ARK2N: variants seen among roughly 807,000 people sequenced by gnomAD.
ARK2N encodes protein ARK2N.
the ARK2N span, among the ~76,000 whole-genome samples, chr18:46,204,104 C>CT: frequency 0.015 from 2,015 of 132,588 alleles, 30 homozygotes; most frequent in African/African-American, 0.034. Context: ...TTTTTATGTT[C>CT]TTTTTTTTTT....
the ARK2N span, among the ~76,000 whole-genome samples, chr18:46,192,265 C>G: frequency 6.6e-6 from 1 of 152,094 alleles, no homozygotes; most frequent in South Asian, 2.1e-4. Flanking sequence ...TGCTGTAGAG[C>G]AGAGAGTGAT....
the ARK2N span, among the ~76,000 whole-genome samples, chr18:46,190,428 C>T: frequency 5.2e-5 from 1 of 19,114 alleles, no homozygotes. Flanking sequence ...TCTGAGGTTG[C>T]GGTGAGCTGA....
the ARK2N span, among the ~76,000 whole-genome samples, chr18:46,191,022 A>C: frequency 2.0e-5 from 3 of 151,734 alleles, no homozygotes; most frequent in Non-Finnish European, 2.9e-5. Context: ...TGGATCCAGC[A>C]CTCATTTGAT....
chr18:46,252,134 A>T, the ARK2N span, among the ~76,000 whole-genome samples: 2 of 151,752 alleles, frequency 1.3e-5, no homozygotes, highest in African/African-American at 4.8e-5. Context: ...CGGAGGCTGC[A>T]GTGAGCCGAG....
chr18:46,224,896 A>G, the ARK2N span, among the ~76,000 whole-genome samples: 272 of 152,336 alleles, frequency 1.8e-3, 6 homozygotes, highest in East Asian at 0.043. Flanking sequence ...CGAAGCAATA[A>G]TGTTTTATGA....
the ARK2N span, among the ~76,000 whole-genome samples, chr18:46,183,506 T>C: frequency 2.0e-5 from 3 of 152,208 alleles, no homozygotes; most frequent in Non-Finnish European, 4.4e-5. Context: ...TGGTGATCGT[T>C]GCCCAGTTGT....
chr18:46,175,838 G>T, the ARK2N span, among the ~76,000 whole-genome samples: 1 of 152,120 alleles, frequency 6.6e-6, no homozygotes, highest in African/African-American at 2.4e-5. Context: ...AATTTTTTCT[G>T]ACAACTTTTT....
the ARK2N span, among the ~76,000 whole-genome samples, chr18:46,261,038 A>C: frequency 6.6e-6 from 1 of 152,248 alleles, no homozygotes; most frequent in Admixed American, 6.5e-5. Flanking sequence ...AAATTCTGCC[A>C]AAGATTACAT....
the ARK2N span, among the ~76,000 whole-genome samples, chr18:46,255,419 T>TTTTTTCTTTG: frequency 6.7e-6 from 1 of 148,152 alleles, no homozygotes; most frequent in African/African-American, 2.5e-5. Flanking sequence ...TCTTTTCTTT[T>TTTTTTCTTTG]CTTTTCTTTG....
At chr18:46,224,514 G>A in the ARK2N span, among the ~76,000 whole-genome samples, 2 of 152,292 alleles carry the variant, frequency 1.3e-5, no homozygotes, top group African/African-American at 4.8e-5. Context: ...GAATGTAGTG[G>A]TTCTCAACTA....
At chr18:46,249,182 G>A in the ARK2N span, among the ~76,000 whole-genome samples, 31 of 152,162 alleles carry the variant, frequency 2.0e-4, no homozygotes, top group South Asian at 4.2e-4. Flanking sequence ...GCTTCATCCA[G>A]GCTCTCAGCG....
the ARK2N span, among the ~76,000 whole-genome samples, chr18:46,225,467 GT>G: frequency 1.3e-5 from 2 of 151,340 alleles, no homozygotes; most frequent in Non-Finnish European, 3.0e-5. Context: ...TGATGTTGCT[GT>G]TTTTTTTTGA....
the ARK2N span, among the ~76,000 whole-genome samples, chr18:46,237,388 CTTT>C: frequency 3.0e-4 from 39 of 127,922 alleles, no homozygotes; most frequent in Non-Finnish European, 2.4e-4. Context: ...AGGCCAAGTG[CTTT>C]TTTTTTTTTT....
chr18:46,183,513 T>C, the ARK2N span, among the ~76,000 whole-genome samples: 2 of 152,134 alleles, frequency 1.3e-5, no homozygotes, highest in African/African-American at 4.8e-5. Context: ...CGTTGCCCAG[T>C]TGTGTTAATT....
At chr18:46,248,692 C>T in the ARK2N span, among the ~76,000 whole-genome samples, 3 of 152,198 alleles carry the variant, frequency 2.0e-5, no homozygotes, top group Non-Finnish European at 4.4e-5. Context: ...TCAAGCGATT[C>T]TCCTGCCTCA....
At chr18:46,214,580 G>A in the ARK2N span, among the ~76,000 whole-genome samples, 1 of 152,200 alleles carries the variant, frequency 6.6e-6, no homozygotes, top group Non-Finnish European at 1.5e-5. Context: ...ACAATGTTAA[G>A]TAAGGACTTA....
chr18:46,203,352 A>C, the ARK2N span, among the ~76,000 whole-genome samples: 6 of 152,318 alleles, frequency 3.9e-5, no homozygotes, highest in South Asian at 1.2e-3. Flanking sequence ...GATGAACCTG[A>C]GAGACATTGT....
At chr18:46,204,678 A>G in the ARK2N span, among the ~76,000 whole-genome samples, 9 of 152,222 alleles carry the variant, frequency 5.9e-5, no homozygotes, top group Admixed American at 1.3e-4. Context: ...AGATGCAAGA[A>G]TGCTAGCAGT....
At chr18:46,205,365 G>A in the ARK2N span, among the ~76,000 whole-genome samples, 4 of 152,160 alleles carry the variant, frequency 2.6e-5, no homozygotes, top group East Asian at 1.9e-4. Flanking sequence ...AAATCTTCAG[G>A]AGGATTTCCG....
Sources: allele counts gnomAD v4.1 joint callset (sites outside exome capture counted in the v4.1 genomes callset), GRCh38; gene constraint gnomAD v4.1.1; transcripts MANE v1.5; gene names NCBI Gene and HGNC (gene_info 2026-07-23, HGNC 2026-07-21).